The following GRSF1 variants were observed in gnomAD, a reference collection of about 807,000 sequenced individuals.
GRSF1 encodes G-rich sequence factor 1.
GRSF1 carries 50 observed loss-of-function variants against 51.1 expected under a neutral mutation model. That is an observed-to-expected ratio of 0.98 (90% CI 0.78 to 1.24). The LOEUF is 1.24. GRSF1 is among the 50% of genes most tolerant of loss of function. GRSF1 has a pLI of 0.00. For missense variants in GRSF1, 700 were observed against 639.7 expected (o/e 1.09, Z -1.02); for synonymous variants, 293 against 253.3 (o/e 1.16, Z -1.49).
chr4:70,831,263 G>A (rs1037064236), intron 5 of GRSF1, among the ~76,000 whole-genome samples: 3 of 152,054 alleles, frequency 2.0e-5, no homozygotes, highest in Admixed American at 2.0e-4. Flanking sequence ...GCTGAGGCAG[G>A]AGAATCGCTT....
chr4:70,822,134 T>C (rs980500685), intron 9 of GRSF1, among the ~76,000 whole-genome samples: 1 of 152,024 alleles, frequency 6.6e-6, no homozygotes, highest in African/African-American at 2.4e-5. Context: ...TCAAGATGTA[T>C]TAAGCAAATC....
intron 5 of GRSF1, among the ~76,000 whole-genome samples, chr4:70,828,627 G>A (rs1026438518): frequency 6.6e-6 from 1 of 151,928 alleles, no homozygotes; most frequent in African/African-American, 2.4e-5. Flanking sequence ...GGTGTGCAGT[G>A]GTGTGAACAT....
rs1280603312 is a variant in GRSF1, at chr4:70,836,229, T to TC, written c.442dup (p.Asp148GlyfsTer21). The TC allele has an allele frequency of 6.2e-7, 1 of 1,610,102 alleles. No individual in the cohort carries two copies. The highest frequency in any genetic ancestry group is 8.5e-7 in the Non-Finnish European group (1 of 1,177,974). ...TCCTTGAGCTCGAATGAGAAAGACATCATCCACTTCCTCTTCTAACTTGGA... is the reference window on the plus strand; with the variant it reads ...TCCTTGAGCTCGAATGAGAAAGACATCCATCCACTTCCTCTTCTAACTTGGA... On this transcript the variant is annotated frameshift_variant, in exon 2 of 10. Transcript: ENST00000254799. LOFTEE classifies it high-confidence loss of function.
At position 70,818,069 on chromosome 4, in the gene GRSF1, C is replaced by CA. The variant is rs1733377610; in HGVS notation, c.*2817dup. Reference sequence around the variant, plus strand: ...GGTTTTTTTGATTTTGACAGAGTCTCACTCTGTTGCCCAGGCTGGAGTGCA... The same window carrying CA: ...GGTTTTTTTGATTTTGACAGAGTCTCAACTCTGTTGCCCAGGCTGGAGTGCA... On this transcript the variant is annotated 3_prime_UTR_variant, in exon 10 of 10. Transcript: ENST00000254799. 6.6e-6 allele frequency: 1 copy of CA among 152,224 alleles called. No individual in the cohort carries two copies. The highest frequency in any genetic ancestry group is 1.5e-5 in the Non-Finnish European group (1 of 68,094). 9.4% of individuals were successfully genotyped at this position (152,224 alleles called of 1,614,324 possible). A position where few individuals can be genotyped will look rare whatever the true frequency, so the allele number is the denominator to read the frequency against.
rs1733803351 is a variant in GRSF1, at chr4:70,827,996, T to A, written c.991A>T (p.Thr331Ser). ...IFPSRRNEVR[T>S]HVGSYKGKKI... ...TTTCCCTTATAAGAACCGACATGTGTTCGAACTTCATTCCTTCTGCTTGGA... is the reference window on the plus strand; with the variant it reads ...TTTCCCTTATAAGAACCGACATGTGATCGAACTTCATTCCTTCTGCTTGGA... The change falls in exon 6 of 10, where the codon ACA (threonine) becomes TCA (serine). Residue 331 changes from threonine to serine, a missense_variant. By Grantham distance (58) the Thr-to-Ser change is moderately conservative. Coordinates refer to ENST00000254799, the MANE Select transcript of GRSF1 (RefSeq NM_002092.4). 6.2e-7 allele frequency: 1 copy of A among 1,613,566 alleles called. No homozygotes were observed. The highest frequency in any genetic ancestry group is 8.5e-7 in the Non-Finnish European group (1 of 1,179,734).
chr4:70,827,768 A>G, intron 6 of GRSF1, 84 bp downstream of exon 6: 5 of 900,992 alleles, frequency 5.5e-6, no homozygotes, highest in Non-Finnish European at 8.7e-6. Context: ...ACAGAGCGAG[A>G]CTTCATCTCA....
chr4:70,832,454 C>T lies in GRSF1; in HGVS notation c.671-4G>A, dbSNP rs764713709. 7.6e-6 allele frequency: 12 copies of T among 1,586,816 alleles called. No individual in the cohort carries two copies. The highest frequency in any genetic ancestry group is 5.6e-5 in the South Asian group (5 of 89,198). On this transcript the variant is annotated splice_region_variant and splice_polypyrimidine_tract_variant and intron_variant, in intron 3 of 9. Transcript: ENST00000254799. ...TCTTCATTGTTTATCTCATATACTA[C>T]GAAGAAAAAACCCAACAGGGATGAA...
At chr4:70,826,469 ACAT>A (rs1733741718) in intron 6 of GRSF1, among the ~76,000 whole-genome samples, 1 of 151,980 alleles carries the variant, frequency 6.6e-6, no homozygotes. Context: ...CCTTTTTGTA[ACAT>A]CAGAGAGCAG....
At chr4:70,839,347 C>G in intron 1 of GRSF1, 124 bp downstream of exon 1, 2 of 1,504,138 alleles carry the variant, frequency 1.3e-6, no homozygotes, top group Non-Finnish European at 8.9e-7. Context: ...GGCGGGTGTG[C>G]GGCGAGTGTC....
intron 9 of GRSF1, among the ~76,000 whole-genome samples, chr4:70,823,152 T>C (rs1226879501): frequency 6.6e-6 from 1 of 152,142 alleles, no homozygotes; most frequent in African/African-American, 2.4e-5. Flanking sequence ...TCCCAGCACT[T>C]TGGGAGGCCG....
At position 70,817,695 on chromosome 4, in the gene GRSF1, C is replaced by T. The variant is rs549399302; in HGVS notation, c.*3192G>A. ...GGAATTCAAAATAGTCATGTTGGAACAGTTTGGCAGTTTCTTCCAAAACTA... is the reference window on the plus strand; with the variant it reads ...GGAATTCAAAATAGTCATGTTGGAATAGTTTGGCAGTTTCTTCCAAAACTA... On this transcript the variant is annotated 3_prime_UTR_variant, in exon 10 of 10. Coordinates refer to ENST00000254799, the MANE Select transcript of GRSF1 (RefSeq NM_002092.4). 6.6e-6 allele frequency: 1 copy of T among 152,324 alleles called. No homozygotes were observed. The highest frequency in any genetic ancestry group is 2.4e-5 in the African/African-American group (1 of 41,554). 9.4% of individuals were successfully genotyped at this position (152,324 alleles called of 1,614,324 possible).
chr4:70,832,215 C>T (rs1308597298), intron 4 of GRSF1, 92 bp downstream of exon 4: 1 of 1,008,036 alleles, frequency 9.9e-7, no homozygotes, highest in East Asian at 2.4e-5. Flanking sequence ...AACTGCATGC[C>T]TTTGCCCAGA....
At chr4:70,822,412 G>A (rs1024215264) in intron 9 of GRSF1, among the ~76,000 whole-genome samples, 4 of 151,512 alleles carry the variant, frequency 2.6e-5, no homozygotes, top group Admixed American at 6.6e-5. Flanking sequence ...GTGAAACCCC[G>A]TCTCTACTAA....
chr4:70,827,947 G>T lies in GRSF1; in HGVS notation c.1040C>A (p.Ala347Asp). The change falls in exon 6 of 10, where the codon GCT becomes GAT. Residue 347 changes from alanine to aspartate, a missense_variant. By Grantham distance (126) the Ala-to-Asp change is moderately radical. Transcript: ENST00000254799. ...KGKKIASFPT[A>D]KYITEPEMVF... is the part of the protein sequence containing the mutation. The stretch of plus-strand genomic sequence containing the variant: ...CATTTCTGGCTCAGTTATATACTTA[G>T]CAGTAGGAAAAGATGCGATTTTCTT... 6.2e-7 allele frequency: 1 copy of T among 1,611,448 alleles called. No individual in the cohort carries two copies. The highest frequency in any genetic ancestry group is 2.2e-5 in the East Asian group (1 of 44,870).
Position 70,832,233 on chromosome 4 carries a change from T to A in GRSF1, c.814+74A>T, listed in dbSNP as rs113206172. 6.6e-4 allele frequency: 823 copies of A among 1,248,590 alleles called. 6 individuals carry two copies. The African/African-American group carries it at 0.011, about 17-fold the overall frequency. The allele number at this position is 1,248,590 out of a possible 1,614,324, so 77.3% of individuals were successfully genotyped here. On this transcript the variant is annotated intron_variant, in intron 4 of 9. Transcript: ENST00000254799. The stretch of plus-strand genomic sequence containing the variant: ...TGCATGCCTTTGCCCAGAAACAGGC[T>A]CATCTAAGATATAGAAGGAGATACC...
chr4:70,838,317 C>G (rs1045901209), intron 1 of GRSF1, among the ~76,000 whole-genome samples: 2 of 150,698 alleles, frequency 1.3e-5, no homozygotes, highest in African/African-American at 4.9e-5. Flanking sequence ...TCACCGCAGT[C>G]AATTTCATAG....
At position 70,839,868 on chromosome 4, in the gene GRSF1, A is replaced by C. The variant is rs2148849821; in HGVS notation, c.-41T>G. 3 of 1,434,386 alleles carry C rather than the reference A, an allele frequency of 2.1e-6. No individual in the cohort carries two copies. The highest frequency in any genetic ancestry group is 2.7e-6 in the Non-Finnish European group (3 of 1,102,338). The allele number at this position is 1,434,386 out of a possible 1,614,324, so 88.9% of individuals were successfully genotyped here. A position where few individuals can be genotyped will look rare whatever the true frequency, so the allele number is the denominator to read the frequency against. On this transcript the variant is annotated 5_prime_UTR_variant, in exon 1 of 10. Transcript: ENST00000254799. Reference sequence around the variant, plus strand: ...CGCAGGGCCTGAAGGCAGCTGCTCCAGCAGCGATGGTGGAACGGAAGTGGA... The same window carrying C: ...CGCAGGGCCTGAAGGCAGCTGCTCCCGCAGCGATGGTGGAACGGAAGTGGA...
chr4:70,833,297 A>G (rs1169678218), intron 2 of GRSF1, 24 bp from the exon 3 acceptor site: 1 of 1,604,236 alleles, frequency 6.2e-7, no homozygotes, highest in East Asian at 2.2e-5. Flanking sequence ...AGCAAAATCA[A>G]TTGAAAACAG....
At chr4:70,828,729 ACTG>A (rs1348744627) in intron 5 of GRSF1, among the ~76,000 whole-genome samples, 3 of 134,150 alleles carry the variant, frequency 2.2e-5, no homozygotes, top group East Asian at 2.2e-4. Context: ...GCCACCACAC[ACTG>A]CTAATTTTTT....
Sources: allele counts gnomAD v4.1 joint callset (sites outside exome capture counted in the v4.1 genomes callset), GRCh38; gene constraint gnomAD v4.1.1; transcripts MANE v1.5; gene names NCBI Gene and HGNC (gene_info 2026-07-23, HGNC 2026-07-21).